KCNT2: variants seen among roughly 807,000 people sequenced by gnomAD.
KCNT2 encodes the protein potassium sodium-activated channel subfamily T member 2.
In KCNT2, 67 loss-of-function variants were observed where a neutral mutation model predicts 153.8. The ratio of observed to expected loss-of-function variants is 0.44; its 90% CI spans 0.36 to 0.53. KCNT2 has a LOEUF of 0.53. KCNT2 is among the 20% of genes least tolerant of loss of function. The pLI is 0.00. For synonymous variants in KCNT2, 500 were observed against 458.8 expected (o/e 1.09, Z -1.15); for missense variants, 975 against 1,354.8 (o/e 0.72, Z 4.40).
At position 196,443,497 on chromosome 1, in the gene KCNT2, A is replaced by T. The variant is rs893521701; in HGVS notation, c.639-13740T>A. ...TTATTAATCCCTATTTTGTAAGATC[A>T]AACAGGTTTACATATTGACAAATAC... On this transcript the variant is annotated intron_variant, in intron 8 of 27. Coordinates refer to ENST00000294725, the MANE Select transcript of KCNT2 (RefSeq NM_198503.5). 2.0e-5 allele frequency among the ~76,000 whole-genome samples: 3 copies of T among 151,566 alleles called. No individual in the cohort carries two copies. The South Asian group carries it at 6.2e-4, about 31-fold the overall frequency.
chr1:196,303,947 T>G (rs1661406921), intron 22 of KCNT2, among the ~76,000 whole-genome samples: 1 of 152,192 alleles, frequency 6.6e-6, no homozygotes, highest in South Asian at 2.1e-4. Flanking sequence ...CCATCTTTTT[T>G]TATGTTGCTA....
intron 14 of KCNT2, among the ~76,000 whole-genome samples, chr1:196,349,591 G>C (rs908740394): frequency 6.6e-6 from 1 of 151,962 alleles, no homozygotes; most frequent in African/African-American, 2.4e-5. Context: ...ATTTCCTAGC[G>C]GTACACCCTA....
intron 8 of KCNT2, among the ~76,000 whole-genome samples, chr1:196,445,443 C>T (rs946757549): frequency 1.3e-5 from 2 of 151,350 alleles, no homozygotes; most frequent in East Asian, 3.9e-4. Flanking sequence ...AGAAATGGTC[C>T]AAATGTAACC....
intron 9 of KCNT2, 137 bp from the exon 10 acceptor site, chr1:196,428,406 T>G (rs1394322083): frequency 1.6e-6 from 1 of 630,842 alleles, no homozygotes; most frequent in Non-Finnish European, 2.7e-6. Context: ...AGTATTCCCC[T>G]TCAACGACAG....
intron 14 of KCNT2, 37 bp downstream of exon 14, chr1:196,373,103 A>T: frequency 1.0e-6 from 1 of 972,378 alleles, no homozygotes; most frequent in Non-Finnish European, 1.6e-6. Context: ...TTTTTTATAT[A>T]ATTTAAAAGG....
At chr1:196,508,963 A>G (rs1290390863) in intron 1 of KCNT2, among the ~76,000 whole-genome samples, 1 of 152,148 alleles carries the variant, frequency 6.6e-6, no homozygotes. Context: ...TTGCACTGGG[A>G]TGCATGTACA....
At chr1:196,529,051 T>C (rs191071495) in intron 1 of KCNT2, among the ~76,000 whole-genome samples, 23 of 152,250 alleles carry the variant, frequency 1.5e-4, no homozygotes, top group African/African-American at 3.4e-4. Flanking sequence ...TAAATAGCAA[T>C]GATAGAGAAA....
intron 22 of KCNT2, among the ~76,000 whole-genome samples, chr1:196,286,638 T>TACAC (rs201006771): frequency 0.15 from 19,696 of 134,264 alleles, 1,964 homozygotes; most frequent in African/African-American, 0.32. Flanking sequence ...CACACACACA[T>TACAC]ACACACACAC....
At chr1:196,374,752 A>G (rs1340918371) in intron 13 of KCNT2, among the ~76,000 whole-genome samples, 2 of 151,814 alleles carry the variant, frequency 1.3e-5, no homozygotes, top group African/African-American at 4.8e-5. Flanking sequence ...CTGTGAAAAT[A>G]GAGTGACAAA....
chr1:196,392,377 C>CA (rs1572281416), intron 13 of KCNT2, among the ~76,000 whole-genome samples: 1 of 150,666 alleles, frequency 6.6e-6, no homozygotes, highest in Admixed American at 6.6e-5. Context: ...GATTTCCATC[C>CA]AAAAAAATGA....
chr1:196,268,809 C>CA (rs966718825), intron 25 of KCNT2, among the ~76,000 whole-genome samples: 51 of 147,412 alleles, frequency 3.5e-4, no homozygotes, highest in East Asian at 2.0e-3. Flanking sequence ...GCTCTCCCCA[C>CA]AAAAAAAAAA....
chr1:196,482,444 C>A, intron 3 of KCNT2, 65 bp from the exon 4 acceptor site: 2 of 867,984 alleles, frequency 2.3e-6, no homozygotes, highest in South Asian at 1.9e-5. Flanking sequence ...TTTTAAAATT[C>A]AGTTAAAGTT....
intron 11 of KCNT2, among the ~76,000 whole-genome samples, chr1:196,423,878 C>A (rs995962582): frequency 1.3e-5 from 2 of 151,778 alleles, no homozygotes; most frequent in Non-Finnish European, 2.9e-5. Context: ...CCATTTTCAA[C>A]TAAACAATTC....
intron 1 of KCNT2, among the ~76,000 whole-genome samples, chr1:196,558,182 T>A (rs1658924038): frequency 1.3e-5 from 2 of 151,366 alleles, no homozygotes; most frequent in African/African-American, 4.8e-5. Context: ...ACAAAAAAAA[T>A]CTTCAGTAGA....
chr1:196,436,289 T>C (rs1674647232), intron 8 of KCNT2, among the ~76,000 whole-genome samples: 1 of 151,640 alleles, frequency 6.6e-6, no homozygotes, highest in South Asian at 2.1e-4. Context: ...GTGGTAATTA[T>C]TCAAGTAAAA....
intron 14 of KCNT2, among the ~76,000 whole-genome samples, chr1:196,349,076 C>A (rs1306933209): frequency 6.6e-6 from 1 of 151,964 alleles, no homozygotes; most frequent in East Asian, 1.9e-4. Flanking sequence ...TTTGATGAGA[C>A]ATCTTGGAAG....
chr1:196,338,948 CAAAAAAAAAAA>C (rs976388530), intron 16 of KCNT2, among the ~76,000 whole-genome samples: 5 of 37,732 alleles, frequency 1.3e-4, no homozygotes, highest in Admixed American at 7.2e-4. Flanking sequence ...TGCTTTTTAG[CAAAAAAAAAAA>C]AAAAAAAAAA....
At chr1:196,438,687 A>G (rs904698901) in intron 8 of KCNT2, among the ~76,000 whole-genome samples, 3 of 151,830 alleles carry the variant, frequency 2.0e-5, no homozygotes, top group Non-Finnish European at 2.9e-5. Context: ...CAGGCTAGTG[A>G]CTTGTTTTAA....
At chr1:196,538,847 T>C (rs1655960444) in intron 1 of KCNT2, among the ~76,000 whole-genome samples, 1 of 152,258 alleles carries the variant, frequency 6.6e-6, no homozygotes, top group Non-Finnish European at 1.5e-5. Context: ...TCTTAAAATG[T>C]TCTAACTTCT....
Sources: gnomAD v4.1 joint callset for allele counts (sites outside exome capture counted in the v4.1 genomes callset) on GRCh38, gnomAD v4.1.1 for gene constraint, MANE v1.5 for transcripts, NCBI Gene and HGNC (gene_info 2026-07-23, HGNC 2026-07-21) for gene names.